PAK1: variants seen among roughly 807,000 people sequenced by gnomAD.
PAK1 encodes p21 (RAC1) activated kinase 1.
A neutral mutation model predicts 67.4 loss-of-function variants in PAK1; 29 were observed. The observed-to-expected ratio is 0.43, with a 90% CI of 0.32 to 0.59. PAK1 has a LOEUF of 0.59. PAK1 is among the 20% of genes least tolerant of loss of function. PAK1 has a pLI of 0.07. For synonymous variants in PAK1, 223 were observed against 237.4 expected (o/e 0.94, Z 0.56); for missense variants, 337 against 670.7 (o/e 0.50, Z 5.50).
chr11:77,358,508 T>C (rs1946345644), intron 6 of PAK1, among the ~76,000 whole-genome samples: 1 of 152,160 alleles, frequency 6.6e-6, no homozygotes, highest in Non-Finnish European at 1.5e-5. Context: ...GGCTGAACAC[T>C]GCACATTTAA....
the PAK1 span, among the ~76,000 whole-genome samples, chr11:77,490,295 C>CCCGCCCCCGG: frequency 1.1e-4 from 16 of 147,924 alleles, no homozygotes; most frequent in African/African-American, 3.8e-4. Context: ...GGTCAGCCCC[C>CCCGCCCCCGG]CCACCCGGCC....
At chr11:77,341,217 C>T (rs965310336) in intron 10 of PAK1, among the ~76,000 whole-genome samples, 2 of 152,122 alleles carry the variant, frequency 1.3e-5, no homozygotes, top group African/African-American at 4.8e-5. Context: ...ATCTATGAGA[C>T]CAAGTATTGG....
intron 1 of PAK1, among the ~76,000 whole-genome samples, chr11:77,400,393 C>T (rs973269490): frequency 6.6e-6 from 1 of 151,988 alleles, no homozygotes; most frequent in Non-Finnish European, 1.5e-5. Context: ...GCAATAAATG[C>T]CCCATGTTAA....
At chr11:77,333,980 C>A (rs1942205883) in intron 13 of PAK1, among the ~76,000 whole-genome samples, 1 of 151,536 alleles carries the variant, frequency 6.6e-6, no homozygotes, top group South Asian at 2.1e-4. Flanking sequence ...AACAGCCTGA[C>A]CAATATGGCG....
the PAK1 span, among the ~76,000 whole-genome samples, chr11:77,488,453 A>G: frequency 6.6e-6 from 1 of 152,208 alleles, no homozygotes. Context: ...TAAATCAGGC[A>G]CCAGTGACCA....
At chr11:77,420,922 G>A (rs1955226116) in intron 1 of PAK1, among the ~76,000 whole-genome samples, 1 of 152,208 alleles carries the variant, frequency 6.6e-6, no homozygotes, top group Non-Finnish European at 1.5e-5. Context: ...TGCCCAAAAT[G>A]TCAATAGCGC....
chr11:77,386,308 A>G (rs1368660645), intron 2 of PAK1, among the ~76,000 whole-genome samples: 1 of 152,256 alleles, frequency 6.6e-6, no homozygotes, highest in Non-Finnish European at 1.5e-5. Context: ...ACTTGGAGAG[A>G]TAAACACTGA....
the PAK1 span, among the ~76,000 whole-genome samples, chr11:77,506,984 A>G: frequency 6.6e-6 from 1 of 152,212 alleles, no homozygotes; most frequent in Non-Finnish European, 1.5e-5. Flanking sequence ...TAGTTCATTC[A>G]CTGGTCTGGC....
intron 4 of PAK1, among the ~76,000 whole-genome samples, chr11:77,374,758 C>A (rs1273180425): frequency 6.6e-6 from 1 of 152,154 alleles, no homozygotes; most frequent in Non-Finnish European, 1.5e-5. Context: ...ATTGTATAGC[C>A]TATTGCTTTC....
At chr11:77,400,851 T>C (rs1952580614) in intron 1 of PAK1, among the ~76,000 whole-genome samples, 1 of 152,214 alleles carries the variant, frequency 6.6e-6, no homozygotes, top group Admixed American at 6.5e-5. Context: ...TGACAAGCTA[T>C]GCATGAAGTG....
At chr11:77,446,473 C>A (rs112690505) in intron 1 of PAK1, among the ~76,000 whole-genome samples, 6,053 of 142,068 alleles carry the variant, frequency 0.043, 430 homozygotes, top group African/African-American at 0.15. Context: ...GATCATGCCA[C>A]TACACTCCAG....
intron 11 of PAK1, among the ~76,000 whole-genome samples, chr11:77,338,161 T>A (rs1943028084): frequency 1.3e-5 from 2 of 152,166 alleles, no homozygotes; most frequent in South Asian, 4.1e-4. Context: ...AATTCTGGAC[T>A]TCCATCTATA....
chr11:77,382,858 C>T (rs1488119004), intron 2 of PAK1, among the ~76,000 whole-genome samples: 1 of 152,072 alleles, frequency 6.6e-6, no homozygotes, highest in Admixed American at 6.6e-5. Context: ...ATTAGCTGGG[C>T]GTGGAGACAC....
chr11:77,521,410 T>C, the PAK1 span, among the ~76,000 whole-genome samples: 1 of 152,006 alleles, frequency 6.6e-6, no homozygotes, highest in Non-Finnish European at 1.5e-5. Context: ...ATGCCTGTAA[T>C]ACCAGCTACT....
intron 1 of PAK1, among the ~76,000 whole-genome samples, chr11:77,453,048 G>T (rs1337718108): frequency 6.6e-6 from 1 of 152,110 alleles, no homozygotes; most frequent in African/African-American, 2.4e-5. Context: ...GAAGAAGGAA[G>T]AAGTGGGATA....
chr11:77,415,078 A>G (rs912326911), intron 1 of PAK1, among the ~76,000 whole-genome samples: 1 of 152,244 alleles, frequency 6.6e-6, no homozygotes, highest in African/African-American at 2.4e-5. Context: ...ATCTGAACAG[A>G]CACTTCACCA....
chr11:77,504,760 T>G, the PAK1 span, among the ~76,000 whole-genome samples: 1 of 152,252 alleles, frequency 6.6e-6, no homozygotes, highest in Non-Finnish European at 1.5e-5. Context: ...AATAGAAGAC[T>G]GTTCAGTCAT....
chr11:77,366,156 CAAAGAG>C (rs1179360693), intron 5 of PAK1, among the ~76,000 whole-genome samples: 1 of 151,980 alleles, frequency 6.6e-6, no homozygotes, highest in Non-Finnish European at 1.5e-5. Flanking sequence ...TCCAGATTAA[CAAAGAG>C]AAAGAGAATT....
chr11:77,478,958 G>A (rs1267429197), upstream of PAK1, among the ~76,000 whole-genome samples: 4 of 150,770 alleles, frequency 2.7e-5, no homozygotes, highest in African/African-American at 7.3e-5. Context: ...GGTGGCAGGC[G>A]CCTATAGTCC....
Sources: gnomAD v4.1 joint callset for allele counts (sites outside exome capture counted in the v4.1 genomes callset) on GRCh38, gnomAD v4.1.1 for gene constraint, MANE v1.5 for transcripts, NCBI Gene and HGNC (gene_info 2026-07-23, HGNC 2026-07-21) for gene names.